Variants in TTLL5 observed in about 807,000 individuals in gnomAD.
TTLL5 encodes tubulin polyglutamylase TTLL5.
In TTLL5, 132 loss-of-function variants were observed where a neutral mutation model predicts 168.4. That is an observed-to-expected ratio of 0.78 (90% CI 0.68 to 0.91). The LOEUF is 0.91. Among genes scored for constraint, TTLL5 ranks in the 40% least tolerant of loss-of-function variants. The pLI is 0.00. For synonymous variants in TTLL5, 546 were observed against 558.6 expected, an observed-to-expected ratio of 0.98 and a Z score of 0.32; for missense variants, 1,545 against 1,581.5, an observed-to-expected ratio of 0.98 and a Z score of 0.39.
intron 26 of TTLL5, among the ~76,000 whole-genome samples, chr14:75,787,164 T>C (rs1343490202): frequency 6.6e-6 from 1 of 151,898 alleles, no homozygotes; most frequent in African/African-American, 2.4e-5. Context: ...ACATTGTAAA[T>C]CAAGTCCAAA....
intron 29 of TTLL5, among the ~76,000 whole-genome samples, chr14:75,867,739 G>A (rs1284332775): frequency 6.9e-6 from 1 of 145,158 alleles, no homozygotes; most frequent in Non-Finnish European, 1.5e-5. Context: ...CAGCCTGAGT[G>A]ACAGATTGAG....
chr14:75,872,067 A>G (rs1223942240), intron 29 of TTLL5, among the ~76,000 whole-genome samples: 1 of 152,264 alleles, frequency 6.6e-6, no homozygotes, highest in Non-Finnish European at 1.5e-5. Flanking sequence ...CACACAATTG[A>G]AAATGAAGCA....
intron 28 of TTLL5, among the ~76,000 whole-genome samples, chr14:75,835,937 C>T (rs954531928): frequency 2.0e-5 from 3 of 152,138 alleles, no homozygotes; most frequent in African/African-American, 7.2e-5. Flanking sequence ...TCCTACACTG[C>T]TAGTTGGAAT....
chr14:75,914,033 A>AAAAAAAAT, intron 31 of TTLL5, among the ~76,000 whole-genome samples: 67 of 71,092 alleles, frequency 9.4e-4, no homozygotes, highest in Middle Eastern at 9.8e-3. Flanking sequence ...AAAAAAAAAA[A>AAAAAAAAT]ATATATATAT....
chr14:75,692,762 C>A (rs1885552283), intron 6 of TTLL5, among the ~76,000 whole-genome samples: 1 of 152,026 alleles, frequency 6.6e-6, no homozygotes, highest in African/African-American at 2.4e-5. Flanking sequence ...GGTTTTTAAC[C>A]AGGGAATGTA....
chr14:75,798,137 T>C (rs1173145988), intron 27 of TTLL5, among the ~76,000 whole-genome samples: 1 of 152,128 alleles, frequency 6.6e-6, no homozygotes, highest in East Asian at 1.9e-4. Flanking sequence ...CTGTTATCTG[T>C]TCAGAGTTTT....
chr14:75,899,328 C>T (rs1387708152), intron 30 of TTLL5, among the ~76,000 whole-genome samples: 2 of 152,138 alleles, frequency 1.3e-5, no homozygotes, highest in Non-Finnish European at 2.9e-5. Context: ...ATTGCAGGGG[C>T]AAGTGCAAGT....
intron 28 of TTLL5, among the ~76,000 whole-genome samples, chr14:75,851,776 C>A (rs1896869651): frequency 6.6e-6 from 1 of 152,166 alleles, no homozygotes; most frequent in Non-Finnish European, 1.5e-5. Context: ...TGGCTGCCCT[C>A]ATTTATCACC....
intron 18 of TTLL5, among the ~76,000 whole-genome samples, chr14:75,753,870 G>A (rs1890097794): frequency 1.3e-5 from 2 of 152,144 alleles, no homozygotes. Flanking sequence ...TACTTTGCCA[G>A]GATGTGTTCT....
chr14:75,719,869 A>T (rs1435054327), intron 11 of TTLL5, 43 bp downstream of exon 11: 8 of 1,574,116 alleles, frequency 5.1e-6, no homozygotes, highest in Non-Finnish European at 7.0e-6. Context: ...TCTTCTTTGG[A>T]TAACTTTATC....
At chr14:75,948,485 T>TAA (rs771491969) in intron 31 of TTLL5, among the ~76,000 whole-genome samples, 1 of 146,462 alleles carries the variant, frequency 6.8e-6, no homozygotes, top group African/African-American at 2.5e-5. Flanking sequence ...AACCCTATCT[T>TAA]AAAAAAAAAA....
intron 31 of TTLL5, among the ~76,000 whole-genome samples, chr14:75,927,317 C>G (rs1359790941): frequency 6.6e-6 from 1 of 152,144 alleles, no homozygotes; most frequent in Non-Finnish European, 1.5e-5. Context: ...CCCTATTGTG[C>G]TATCAAATAG....
chr14:75,868,252 T>C (rs2030702702), intron 29 of TTLL5, among the ~76,000 whole-genome samples: 1 of 152,202 alleles, frequency 6.6e-6, no homozygotes, highest in South Asian at 2.1e-4. Context: ...ATTAAGGACA[T>C]ATTGATGGCC....
At chr14:75,947,066 G>A (rs974505883) in intron 31 of TTLL5, among the ~76,000 whole-genome samples, 5 of 152,204 alleles carry the variant, frequency 3.3e-5, no homozygotes, top group South Asian at 2.1e-4. Flanking sequence ...AGGACTTGGC[G>A]CTTGTCTTCT....
intron 17 of TTLL5, among the ~76,000 whole-genome samples, chr14:75,752,644 TTTTC>T (rs1444095401): frequency 2.0e-4 from 30 of 152,186 alleles, no homozygotes; most frequent in Non-Finnish European, 1.8e-4. Context: ...AAATGCTGGT[TTTTC>T]TTTCTGTTTT....
chr14:75,779,679 A>G lies in TTLL5; in HGVS notation c.2492A>G (p.Tyr831Cys), dbSNP rs1891927632. Residue 831 changes from tyrosine to cysteine, a missense_variant, in exon 24 of 32, where the codon TAT becomes TGT. Coordinates refer to ENST00000298832, the MANE Select transcript of TTLL5 (RefSeq NM_015072.5). The stretch of plus-strand genomic sequence containing the variant: ...AAAATTTCTAAGAACAACAACAATT[A>G]TTCTGATAGTGGGGCAAAAGGTGGT... ...HSKISKNNNN[Y>C]SDSGAKGDHP... The G allele has an allele frequency of 1.9e-6, 3 of 1,612,942 alleles. No individual in the cohort carries two copies. Among genetic ancestry groups the G allele is most frequent in the African/African-American group, 1.3e-5 (1 of 74,846 alleles).
At chr14:75,682,334 C>T (rs1289568053) in intron 4 of TTLL5, among the ~76,000 whole-genome samples, 1 of 152,072 alleles carries the variant, frequency 6.6e-6, no homozygotes, top group Non-Finnish European at 1.5e-5. Context: ...GAACAGGAGT[C>T]TTCAGCACAG....
chr14:75,826,996 T>C (rs1021636501), intron 28 of TTLL5, among the ~76,000 whole-genome samples: 2 of 152,180 alleles, frequency 1.3e-5, no homozygotes, highest in South Asian at 4.1e-4. Context: ...AAATCAATGC[T>C]CTTTTTTAAG....
At chr14:75,689,513 C>T (rs1279979035) in intron 5 of TTLL5, 4 of 152,178 alleles carry the variant, frequency 2.6e-5, no homozygotes, top group Non-Finnish European at 4.4e-5. Flanking sequence ...CTTACAAAAA[C>T]GTACATTCAT....
Sources: allele counts gnomAD v4.1 joint callset (sites outside exome capture counted in the v4.1 genomes callset), GRCh38; gene constraint gnomAD v4.1.1; transcripts MANE v1.5; gene names NCBI Gene and HGNC (gene_info 2026-07-23, HGNC 2026-07-21).